PCDHGA5: variants seen among roughly 807,000 people sequenced by gnomAD.
PCDHGA5 encodes protocadherin gamma-A5.
A neutral mutation model predicts 56.7 loss-of-function variants in PCDHGA5; 36 were observed. The observed-to-expected ratio is 0.64, with a 90% confidence interval of 0.49 to 0.84. PCDHGA5 has a LOEUF of 0.84. Among genes scored for constraint, PCDHGA5 ranks in the 40% least tolerant of loss-of-function variants. The pLI is 0.00. For synonymous variants in PCDHGA5, 563 were observed against 520.2 expected (o/e 1.08, Z -1.12); for missense variants, 1,305 against 1,201.5 (o/e 1.09, Z -1.27).
At position 141,421,975 on chromosome 5, in the gene PCDHGA5, G is replaced by A. The variant is rs1287891140; in HGVS notation, c.2421+55224G>A. 3.1e-6 allele frequency: 5 copies of A among 1,610,050 alleles called. No individual in the cohort carries two copies. The South Asian group carries it at 3.3e-5, about 11-fold the overall frequency. On this transcript the variant is annotated intron_variant, in intron 1 of 3. Coordinates refer to ENST00000518069, the MANE Select transcript of PCDHGA5 (RefSeq NM_018918.3). ...AATGTTTACACAGTCCGTATATCGC[G>A]TGAGTGTTCCAGAAAACATCAGCTC...
intron 1 of PCDHGA5, chr5:141,389,471 A>C: frequency 6.2e-7 from 1 of 1,613,210 alleles, no homozygotes; most frequent in Non-Finnish European, 8.5e-7. Context: ...TCGAACTCAC[A>C]CTGCAGGCCC....
intron 1 of PCDHGA5, among the ~76,000 whole-genome samples, chr5:141,488,493 C>T (rs1594759823): frequency 6.6e-6 from 1 of 152,226 alleles, no homozygotes; most frequent in East Asian, 1.9e-4. Context: ...AAAACTGTAA[C>T]ACTCATTCCA....
intron 1 of PCDHGA5, chr5:141,370,780 A>T (rs1185164104): frequency 6.2e-7 from 1 of 1,613,990 alleles, no homozygotes; most frequent in Non-Finnish European, 8.5e-7. Context: ...ATTAACGACA[A>T]CCCACCGACC....
chr5:141,385,246 G>A (rs1285071081), intron 1 of PCDHGA5: 1 of 1,614,084 alleles, frequency 6.2e-7, no homozygotes, highest in Non-Finnish European at 8.5e-7. Context: ...CATCAGCCAG[G>A]AGAGCTGTGA....
At chr5:141,423,742 A>C in intron 1 of PCDHGA5, 1 of 514,328 alleles carries the variant, frequency 1.9e-6, no homozygotes, top group Non-Finnish European at 2.4e-6. Context: ...CCTGTTATGA[A>C]AACTGTTTGG....
intron 1 of PCDHGA5, chr5:141,370,513 AGCTGGACAGGGGCTC>A (rs768998364): frequency 2.8e-5 from 45 of 1,613,894 alleles, no homozygotes; most frequent in Non-Finnish European, 3.6e-5. Context: ...ATTCCCGAGG[AGCTGGACAGGGGCTC>A]GCTGGTAGGG....
chr5:141,484,603 G>T (rs1460433183), intron 1 of PCDHGA5, among the ~76,000 whole-genome samples: 1 of 152,008 alleles, frequency 6.6e-6, no homozygotes, highest in Non-Finnish European at 1.5e-5. Context: ...TAGAATACTG[G>T]TTGATGACAA....
chr5:141,426,276 C>A, intron 1 of PCDHGA5: 1 of 164,340 alleles, frequency 6.1e-6, no homozygotes, highest in South Asian at 1.6e-4. Context: ...TGCAGCAACG[C>A]ATGGGAAGGA....
chr5:141,453,032 G>A (rs2098754281), intron 1 of PCDHGA5, among the ~76,000 whole-genome samples: 1 of 152,132 alleles, frequency 6.6e-6, no homozygotes, highest in Admixed American at 6.5e-5. Flanking sequence ...TTAAAATAAA[G>A]TTTGTTTCTA....
chr5:141,431,273 C>T lies in PCDHGA5; in HGVS notation c.2422-63534C>T, dbSNP rs752219345. 54 of 1,614,068 alleles carry T rather than the reference C, an allele frequency of 3.3e-5. No individual in the cohort carries two copies. Among genetic ancestry groups the T allele is most frequent in the Non-Finnish European group, 4.1e-5 (48 of 1,180,052 alleles). On this transcript the variant is annotated intron_variant, in intron 1 of 3. Transcript: ENST00000518069. The surrounding 1 kb of genome is among the most constrained non-coding windows in gnomAD (Gnocchi z 4.8). Reference sequence around the variant, plus strand: ...GAAGAACTCTCTGCAGAGCTACGAGCTCAGCCCGAACACTCACTTCTCCCT... The same window carrying T: ...GAAGAACTCTCTGCAGAGCTACGAGTTCAGCCCGAACACTCACTTCTCCCT...
intron 1 of PCDHGA5, chr5:141,374,182 C>T (rs1262335911): frequency 1.9e-6 from 3 of 1,613,736 alleles, no homozygotes; most frequent in Middle Eastern, 1.6e-4. Flanking sequence ...AGATCCGCTA[C>T]TCTATTCCCG....
chr5:141,430,754 A>G (rs778266116), intron 1 of PCDHGA5: 26 of 1,503,884 alleles, frequency 1.7e-5, no homozygotes, highest in East Asian at 4.6e-5. Flanking sequence ...CTGGAGGAAG[A>G]TAAGAATGAT....
Position 141,491,405 on chromosome 5 carries a change from A to C in PCDHGA5, c.2422-3402A>C. 6.2e-7 allele frequency: 1 copy of C among 1,614,096 alleles called. No individual in the cohort carries two copies. Among genetic ancestry groups the C allele is most frequent in the Non-Finnish European group, 8.5e-7 (1 of 1,179,998 alleles). On this transcript the variant is annotated intron_variant, in intron 1 of 3. Coordinates refer to ENST00000518069, the MANE Select transcript of PCDHGA5 (RefSeq NM_018918.3). This position sits in a 1 kb window ranked among gnomAD's most constrained non-coding sequence, Gnocchi z 6.9. ...GCGAAGTGCCTTCAGGGAAACGCAG[A>C]CGGGGACGGGGGTGGAGGGCAGTGC... is the stretch of plus-strand genomic sequence containing the variant.
rs70988800 is a variant in PCDHGA5 at position 141,379,889 on chromosome 5, CTTTTTTTTTTTTT to C, written c.2421+13156_2421+13168del. Among the ~76,000 whole-genome samples the C allele has an allele frequency of 8.7e-4, 44 of 50,836 alleles. 1 individual carries two copies. The South Asian group carries it at 0.014, about 16-fold the overall frequency. The allele number at this position is 50,836 out of a possible 152,430, so 33.4% of individuals were successfully genotyped here. On this transcript the variant is annotated intron_variant, in intron 1 of 3. Transcript: ENST00000518069. ...CTTATTTTATGGTCTGTGAAAGCCT[CTTTTTTTTTTTTT>C]TTTTTTTTTTTTTTTTTGTCAGAGT...
At chr5:141,449,566 G>A (rs1235137244) in intron 1 of PCDHGA5, among the ~76,000 whole-genome samples, 4 of 147,126 alleles carry the variant, frequency 2.7e-5, no homozygotes, top group East Asian at 4.0e-4. Context: ...TCCAGCCTGG[G>A]CGACAGAGCA....
chr5:141,431,318 G>C lies in PCDHGA5; in HGVS notation c.2422-63489G>C. 1 of 1,614,086 alleles carries C rather than the reference G, an allele frequency of 6.2e-7. No homozygotes were observed. Among genetic ancestry groups the C allele is most frequent in the African/African-American group, 1.3e-5 (1 of 75,050 alleles). On this transcript the variant is annotated intron_variant, in intron 1 of 3. Transcript: ENST00000518069. The surrounding 1 kb of genome is among the most constrained non-coding windows in gnomAD (Gnocchi z 4.8). ...CTCCCTCATCGTGCAAAATGGAGCC[G>C]ACGGTAGTAAGTACCCCGAATTGGT...
intron 1 of PCDHGA5, chr5:141,399,585 T>C (rs1452769752): frequency 6.2e-7 from 1 of 1,613,984 alleles, no homozygotes; most frequent in South Asian, 1.1e-5. Context: ...TCTCCTACTC[T>C]ATCATGGCCA....
intron 1 of PCDHGA5, chr5:141,405,066 T>G: frequency 1.2e-6 from 2 of 1,613,866 alleles, no homozygotes; most frequent in South Asian, 2.2e-5. Context: ...TGTGTCTTCC[T>G]CACCTTCGTT....
At chr5:141,397,027 G>A (rs1374788251) in intron 1 of PCDHGA5, among the ~76,000 whole-genome samples, 1 of 152,200 alleles carries the variant, frequency 6.6e-6, no homozygotes, top group Non-Finnish European at 1.5e-5. Flanking sequence ...GTTGACCAAT[G>A]TCCACAAATT....
Sources: allele counts gnomAD v4.1 joint callset (sites outside exome capture counted in the v4.1 genomes callset), GRCh38; gene constraint gnomAD v4.1.1; non-coding constraint Gnocchi (gnomAD v3.1); transcripts MANE v1.5; gene names NCBI Gene and HGNC (gene_info 2026-07-23, HGNC 2026-07-21).